ITGA7: variants seen among roughly 807,000 people sequenced by gnomAD.
The protein encoded by ITGA7 is integrin subunit alpha 7.
Under a neutral mutation model 131.6 loss-of-function variants are expected in ITGA7, and 84 were observed. That is an observed-to-expected ratio of 0.64 (90% CI 0.54 to 0.77). The LOEUF (loss-of-function observed/expected upper bound fraction) is 0.77. Among genes scored for constraint, ITGA7 ranks in the 30% least tolerant of loss-of-function variants. ITGA7 has a pLI of 0.00. For missense variants in ITGA7, 1,399 were observed against 1,482.9 expected (o/e 0.94, Z 0.93); for synonymous variants, 548 against 600.7 (o/e 0.91, Z 1.28).
At chr12:55,716,341 G>T, upstream of ITGA7, 1 of 1,475,178 alleles carries the variant, frequency 6.8e-7, no homozygotes. Flanking sequence ...TTTCAGAGAG[G>T]CTTTTTTTGA....
chr12:55,685,593 C>A (rs953613359), intron 24 of ITGA7, among the ~76,000 whole-genome samples: 26 of 152,058 alleles, frequency 1.7e-4, no homozygotes, highest in Admixed American at 1.7e-3. Context: ...AAGATTTGTA[C>A]CCCCTCTAGC....
intron 19 of ITGA7, among the ~76,000 whole-genome samples, chr12:55,693,588 A>G (rs776780275): frequency 6.6e-6 from 1 of 152,060 alleles, no homozygotes; most frequent in Non-Finnish European, 1.5e-5. Context: ...CACAATTTCA[A>G]CAAATACTCA....
intron 20 of ITGA7, 59 bp from the exon 21 acceptor site, chr12:55,693,034 G>A (rs188176613): frequency 1.7e-4 from 270 of 1,613,018 alleles, no homozygotes; most frequent in East Asian, 1.2e-3. Flanking sequence ...TGCTAAGATC[G>A]AATCTCCTCC....
upstream of ITGA7, among the ~76,000 whole-genome samples, chr12:55,713,705 T>C (rs1444252958): frequency 1.3e-5 from 2 of 152,138 alleles, no homozygotes; most frequent in East Asian, 3.8e-4. Context: ...GTATCTAACG[T>C]TTTTATTAGA....
At chr12:55,702,338 G>A (rs1057505477) in intron 3 of ITGA7, among the ~76,000 whole-genome samples, 3 of 152,136 alleles carry the variant, frequency 2.0e-5, no homozygotes, top group African/African-American at 7.2e-5. Context: ...CCGCCACCAC[G>A]CCCGGCTAAT....
chr12:55,696,984 TC>T lies in ITGA7; in HGVS notation c.1651del (p.Glu551LysfsTer13), dbSNP rs769843055. On this transcript the variant is annotated frameshift_variant, in exon 12 of 25. Coordinates refer to ENST00000257879, the MANE Select transcript of ITGA7 (RefSeq NM_002206.3). LOFTEE classifies it high-confidence loss of function. ...PRVTFLSRNL[E>X]EPKHQASGTV... Reference sequence around the variant, plus strand: ...GCCCGAGGCCTGGTGCTTGGGTTCTTCCAGGTTACGGCTCAGGAACGTCACA... The same window carrying T: ...GCCCGAGGCCTGGTGCTTGGGTTCTTCAGGTTACGGCTCAGGAACGTCACA... 1 of 1,614,102 alleles carries T rather than the reference TC, an allele frequency of 6.2e-7. No individual in the cohort carries two copies. The highest frequency in any genetic ancestry group is 1.1e-5 in the South Asian group (1 of 91,074).
At chr12:55,715,978 T>C, upstream of ITGA7, 7 of 1,465,650 alleles carry the variant, frequency 4.8e-6, no homozygotes, top group South Asian at 6.6e-5. Flanking sequence ...TCTACCTCTC[T>C]TCCCCGCCAA....
Position 55,705,206 on chromosome 12 carries a change from G to A in ITGA7, c.207-2028C>T, listed in dbSNP as rs541310617. Among the ~76,000 whole-genome samples, 4 of 152,160 alleles carry A rather than the reference G, an allele frequency of 2.6e-5. No individual in the cohort carries two copies. The East Asian group carries it at 5.8e-4, about 22-fold the overall frequency. ...ATATGCCCAGTCCGCTCTTGGTGGAGAAGAGACCAATCGATCCTTAGTGGA... is the reference window on the plus strand; with the variant it reads ...ATATGCCCAGTCCGCTCTTGGTGGAAAAGAGACCAATCGATCCTTAGTGGA... On this transcript the variant is annotated intron_variant, in intron 1 of 24. Coordinates refer to ENST00000257879, the MANE Select transcript of ITGA7 (RefSeq NM_002206.3).
rs1869761757 is a variant in ITGA7 at position 55,685,067 on chromosome 12, G to C, written c.3405C>G (p.Gly1135=). The C allele has an allele frequency of 1.3e-6, 2 of 1,588,404 alleles. No individual in the cohort carries two copies. Among genetic ancestry groups the C allele is most frequent in the Admixed American group, 3.4e-5 (2 of 59,142 alleles). The change falls in exon 25 of 25, where the codon GGC becomes GGG. Residue 1135 remains glycine, a synonymous_variant. Transcript: ENST00000257879. ...ELGPDGHPGP[G]TA is the part of the protein sequence containing the mutation. The stretch of plus-strand genomic sequence containing the variant: ...GCTGGGACATGGGAACCTAGGCGGT[G>C]CCTGGCCCTGGATGCCCATCGGGGC...
chr12:55,687,847 G>A, intron 24 of ITGA7, 124 bp downstream of exon 24: 1 of 1,284,278 alleles, frequency 7.8e-7, no homozygotes, highest in Non-Finnish European at 1.1e-6. Flanking sequence ...AGACATGCAG[G>A]GCAAGTGTTC....
intron 21 of ITGA7, among the ~76,000 whole-genome samples, chr12:55,689,477 G>T (rs1164861549): frequency 4.6e-5 from 7 of 152,166 alleles, no homozygotes; most frequent in Non-Finnish European, 1.0e-4. Context: ...GGAGGAGGAG[G>T]TAGCCTCAGG....
intron 14 of ITGA7, 91 bp from the exon 15 acceptor site, chr12:55,695,061 TC>T: frequency 7.8e-7 from 1 of 1,274,752 alleles, no homozygotes. Context: ...CTGCCTTCAC[TC>T]CCTGAGCCTC....
rs1870632508 is a variant in ITGA7 at position 55,688,116 on chromosome 12, T to C, written c.3058-20A>G. ...TGGGATCTGGGGAGCAAGGGGTCAA[T>C]GGAGCAAGAGGTCAATGGAACAAGA... On this transcript the variant is annotated intron_variant, in intron 23 of 24. Coordinates refer to ENST00000257879, the MANE Select transcript of ITGA7 (RefSeq NM_002206.3). The C allele has an allele frequency of 6.2e-7, 1 of 1,614,014 alleles. No homozygotes were observed. The highest frequency in any genetic ancestry group is 1.3e-5 in the African/African-American group (1 of 74,954).
chr12:55,716,159 ACAC>A (rs1457325441), upstream of ITGA7: 3 of 1,612,588 alleles, frequency 1.9e-6, no homozygotes, highest in Admixed American at 5.0e-5. Flanking sequence ...TCCTAAAAGA[ACAC>A]CAGGCCAAGC....
At position 55,703,901 on chromosome 12, in the gene ITGA7, T is replaced by G. The variant is rs7968943; in HGVS notation, c.207-723A>C. Among the ~76,000 whole-genome samples the G allele has an allele frequency of 6.6e-3, 1,007 of 152,242 alleles. 8 individuals are homozygous for G. The highest frequency in any genetic ancestry group is 0.023 in the African/African-American group (943 of 41,544). ...TTCTCCCCATGTCCATGATTTCTCCTTCCCTTCCACCCCCACCCAGTCTTC... is the reference window on the plus strand; with the variant it reads ...TTCTCCCCATGTCCATGATTTCTCCGTCCCTTCCACCCCCACCCAGTCTTC... On this transcript the variant is annotated intron_variant, in intron 1 of 24. Coordinates refer to ENST00000257879, the MANE Select transcript of ITGA7 (RefSeq NM_002206.3).
upstream of ITGA7, chr12:55,716,063 G>A (rs1270114849): frequency 9.0e-6 from 14 of 1,561,380 alleles, no homozygotes; most frequent in Non-Finnish European, 1.1e-5. Flanking sequence ...TGGCCCCGGG[G>A]AGCCGAGGTG....
chr12:55,712,092 C>T, upstream of ITGA7: 1 of 1,551,518 alleles, frequency 6.4e-7, no homozygotes, highest in East Asian at 2.4e-5. Context: ...TTCTGCCTGC[C>T]TCTGAATTCT....
At chr12:55,695,724 T>C in intron 13 of ITGA7, 87 bp from the exon 14 acceptor site, 1 of 899,554 alleles carries the variant, frequency 1.1e-6, no homozygotes, top group Non-Finnish European at 1.9e-6. Flanking sequence ...GGTTAGAGTA[T>C]CACAGGATTA....
intron 24 of ITGA7, among the ~76,000 whole-genome samples, 167 bp from the exon 25 acceptor site, chr12:55,685,455 G>A (rs1256940605): frequency 6.6e-6 from 1 of 152,188 alleles, no homozygotes; most frequent in Non-Finnish European, 1.5e-5. Context: ...GCTCCCATCA[G>A]TGCTGTGTCC....
Sources: allele counts gnomAD v4.1 joint callset (sites outside exome capture counted in the v4.1 genomes callset), GRCh38; gene constraint gnomAD v4.1.1; transcripts MANE v1.5; gene names NCBI Gene and HGNC (gene_info 2026-07-23, HGNC 2026-07-21).